DNAH1: variants seen among roughly 807,000 people sequenced by gnomAD.
The protein encoded by DNAH1 is axonemal beta dynein heavy chain 1.
DNAH1 carries 327 observed loss-of-function variants against 484.3 expected under a neutral mutation model. The observed-to-expected ratio is 0.68, with a 90% CI of 0.62 to 0.74. DNAH1 has a LOEUF of 0.74. DNAH1 is among the 30% of genes least tolerant of loss of function. The pLI, the probability that DNAH1 is intolerant of heterozygous loss-of-function variation, is 0.00. For synonymous variants in DNAH1, 2,192 were observed against 2,191.9 expected, an observed-to-expected ratio of 1.00 and a Z score of 0.00; for missense variants, 5,052 against 5,546.8, an observed-to-expected ratio of 0.91 and a Z score of 2.83.
chr3:52,381,512 G>C lies in DNAH1; in HGVS notation c.7609-128G>C, dbSNP rs762696369. ...TGCAGGGGAAACATGCAGCTGGCCG[G>C]GTCACAGGTGGTCAAGGCACCTGTG... On this transcript the variant is annotated intron_variant, in intron 48 of 77. Transcript: ENST00000420323. The surrounding 1 kb of genome is among the most constrained non-coding windows in gnomAD (Gnocchi z 4.1). 20 of 770,592 alleles carry C rather than the reference G, an allele frequency of 2.6e-5. No homozygotes were observed. Among genetic ancestry groups the C allele is most frequent in the Non-Finnish European group, 4.2e-5 (20 of 481,350 alleles). The allele number at this position is 770,592 out of a possible 1,614,324, so 47.7% of individuals were successfully genotyped here.
Position 52,362,584 on chromosome 3 carries a change from C to T in DNAH1, c.5094+83C>T, listed in dbSNP as rs1702909755. The T allele has an allele frequency of 8.0e-7, 1 of 1,253,712 alleles. No homozygotes were observed. Among genetic ancestry groups the T allele is most frequent in the Non-Finnish European group, 1.1e-6 (1 of 885,172 alleles). 77.7% of individuals were successfully genotyped at this position (1,253,712 alleles called of 1,614,324 possible). A position where few individuals can be genotyped will look rare whatever the true frequency, so the allele number is the denominator to read the frequency against. ...ATGCTAAGCCACTTATGCAAGGACA[C>T]AGTTGCTTGGACTCCAGGGACTGTG... On this transcript the variant is annotated intron_variant, in intron 31 of 77. Coordinates refer to ENST00000420323, the MANE Select transcript of DNAH1 (RefSeq NM_015512.5). The surrounding 1 kb of genome is among the most constrained non-coding windows in gnomAD (Gnocchi z 5.1).
At chr3:52,399,329 G>C in intron 76 of DNAH1, 128 bp downstream of exon 76, 2 of 1,099,886 alleles carry the variant, frequency 1.8e-6, no homozygotes, top group Non-Finnish European at 2.6e-6. Context: ...ACCCAAGCCA[G>C]AAGAGGCCAT....
chr3:52,398,500 G>C (rs1245943399), intron 75 of DNAH1, among the ~76,000 whole-genome samples: 1 of 152,204 alleles, frequency 6.6e-6, no homozygotes, highest in Non-Finnish European at 1.5e-5. Context: ...ATGTTGGCCA[G>C]GATGGTCTCG....
In DNAH1 at chr3:52,366,494, G is replaced by A. The variant is rs769074017; in HGVS notation, c.5556G>A (p.Thr1852=). 3.1e-6 allele frequency: 5 copies of A among 1,603,126 alleles called. No individual in the cohort carries two copies. Among genetic ancestry groups the A allele is most frequent in the African/African-American group, 1.3e-5 (1 of 74,736 alleles). Residue 1852 remains threonine (T), a synonymous_variant, in exon 35 of 78, where the codon ACG becomes ACA. Coordinates refer to ENST00000420323, the MANE Select transcript of DNAH1 (RefSeq NM_015512.5). ...LTKCIQLYET[T]VVRHGLMLVG... ...AGTGCATCCAGCTCTACGAGACCAC[G>A]GTGGTACGACACGGCCTCATGCTCG...
intron 41 of DNAH1, 67 bp downstream of exon 41, chr3:52,370,892 G>T (rs1247822770): frequency 2.0e-6 from 3 of 1,479,576 alleles, no homozygotes; most frequent in African/African-American, 1.4e-5. Context: ...TTCCCGCAAT[G>T]AATTATGGCC....
chr3:52,382,340 A>T lies in DNAH1; in HGVS notation c.7826A>T (p.Gln2609Leu). 1 of 1,614,028 alleles carries T rather than the reference A, an allele frequency of 6.2e-7. No homozygotes were observed. The change falls in exon 50 of 78, where the codon CAG (glutamine) becomes CTG (leucine). Residue 2609 changes from glutamine to leucine, a missense_variant. Around this residue, in one of 4 missense-constraint regions of DNAH1, gnomAD observed 2,929 missense variants for 3,409.4 expected, o/e 0.86. Transcript: ENST00000420323. ...TCCAGGGCCGAGTACGAGTGCTTCC[A>T]GATTGAACTATCCAAGAACTACGGC... ...ASHMAEYECF[Q>L]IELSKNYGMS...
chr3:52,399,251 AG>A, intron 76 of DNAH1, 50 bp downstream of exon 76: 1 of 1,524,384 alleles, frequency 6.6e-7, no homozygotes. Flanking sequence ...GGTACAGCCC[AG>A]GGAGGAGAGG....
rs1374522169 is a variant in DNAH1 at position 52,400,425 on chromosome 3, C to T, written c.12777C>T (p.Leu4259=). 2 of 1,613,944 alleles carry T rather than the reference C, an allele frequency of 1.2e-6. No individual in the cohort carries two copies. The highest frequency in any genetic ancestry group is 1.7e-6 in the Non-Finnish European group (2 of 1,179,890). ...QRHWIKRGVA[L]ICALDY ...ACTGGATAAAGCGTGGTGTGGCCCT[C>T]ATCTGTGCCCTGGACTACTAGACTC... Residue 4259 remains leucine, a synonymous_variant, in exon 78 of 78, where the codon CTC becomes CTT. Transcript: ENST00000420323.
intron 2 of DNAH1, among the ~76,000 whole-genome samples, chr3:52,323,343 G>T (rs556142660): frequency 2.6e-5 from 4 of 151,676 alleles, no homozygotes; most frequent in African/African-American, 9.7e-5. Context: ...AGAGAGGGGG[G>T]AATGACGAGG....
Position 52,376,536 on chromosome 3 carries a change from C to T in DNAH1, c.7198+543C>T, listed in dbSNP as rs540542397. The stretch of plus-strand genomic sequence containing the variant: ...CTGCCTTCCCTCCTGTGGCTGGGAA[C>T]GGACTGCTGCTCCACAGCAAAGCCC... On this transcript the variant is annotated intron_variant, in intron 46 of 77. Transcript: ENST00000420323. 1.1e-3 allele frequency among the ~76,000 whole-genome samples: 166 copies of T among 152,304 alleles called. 1 individual carries two copies. The highest frequency in any genetic ancestry group is 3.8e-3 in the African/African-American group (156 of 41,550).
In DNAH1 at chr3:52,362,269, G is replaced by A; in HGVS notation, c.4981-119G>A. Reference sequence around the variant, plus strand: ...ATACAACCCATGATCAGGGGTCCAGGCCTGGCCTACCAGCTACAGCCAGGA... The same window carrying A: ...ATACAACCCATGATCAGGGGTCCAGACCTGGCCTACCAGCTACAGCCAGGA... On this transcript the variant is annotated intron_variant, in intron 30 of 77. Transcript: ENST00000420323. The surrounding 1 kb of genome is among the most constrained non-coding windows in gnomAD (Gnocchi z 5.1). 1.2e-6 allele frequency: 1 copy of A among 808,816 alleles called. No homozygotes were observed. The highest frequency in any genetic ancestry group is 2.0e-6 in the Non-Finnish European group (1 of 492,598). 50.1% of individuals were successfully genotyped at this position (808,816 alleles called of 1,614,324 possible).
At chr3:52,311,047 T>C in the DNAH1 span, among the ~76,000 whole-genome samples, 1 of 152,166 alleles carries the variant, frequency 6.6e-6, no homozygotes, top group African/African-American at 2.4e-5. Context: ...CCCCTTGTTT[T>C]TCACACCCGG....
intron 46 of DNAH1, 149 bp from the exon 47 acceptor site, chr3:52,378,453 G>T (rs1296791584): frequency 1.2e-6 from 1 of 811,144 alleles, no homozygotes; most frequent in Non-Finnish European, 2.0e-6. Context: ...TCCGAGATGG[G>T]GCCAAAGGGT....
chr3:52,344,534 A>T lies in DNAH1; in HGVS notation c.1331A>T (p.Asp444Val). ...LSSLAREVSL[D>V]YERSMNKINF... is the part of the protein sequence containing the mutation. Reference sequence around the variant, plus strand: ...AGTCTTGCCAGAGAAGTGAGCCTGGACTATGAGCGCAGCATGAACAAGATC... The same window carrying T: ...AGTCTTGCCAGAGAAGTGAGCCTGGTCTATGAGCGCAGCATGAACAAGATC... Residue 444 changes from aspartate to valine, a missense_variant, in exon 9 of 78, where the codon GAC (aspartate) becomes GTC (valine). Physicochemically the swap from Asp to Val is radical, Grantham distance 152 (BLOSUM62 -3). Around this residue, in one of 4 missense-constraint regions of DNAH1, gnomAD observed 1,263 missense variants for 1,218.8 expected, o/e 1.04. Coordinates refer to ENST00000420323, the MANE Select transcript of DNAH1 (RefSeq NM_015512.5). 1.2e-6 allele frequency: 2 copies of T among 1,614,018 alleles called. No individual in the cohort carries two copies. Among genetic ancestry groups the T allele is most frequent in the Non-Finnish European group, 8.5e-7 (1 of 1,179,858 alleles).
At chr3:52,331,112 C>T (rs201423629) in intron 6 of DNAH1, 36 bp from the exon 7 acceptor site, 152 of 1,555,860 alleles carry the variant, frequency 9.8e-5, no homozygotes, top group East Asian at 1.4e-4. Context: ...GCCCCCATGG[C>T]GGGGGGCACT....
At chr3:52,400,105 A>G (rs558663404) in intron 77 of DNAH1, among the ~76,000 whole-genome samples, 1 of 152,276 alleles carries the variant, frequency 6.6e-6, no homozygotes, top group South Asian at 2.1e-4. Context: ...TCAGAGAATG[A>G]AAAGTGGCAT....
chr3:52,395,395 G>T lies in DNAH1; in HGVS notation c.11056G>T (p.Asp3686Tyr). 1 of 1,613,848 alleles carries T rather than the reference G, an allele frequency of 6.2e-7. No homozygotes were observed. ...VLSPGTDPAA[D>Y]LYKFAEEMKF... ...GTCACCCGGCACAGACCCTGCTGCC[G>T]ACCTCTACAAGTTTGCCGAAGAAAT... is the stretch of plus-strand genomic sequence containing the variant. Residue 3686 changes from aspartate to tyrosine, a missense_variant, in exon 69 of 78, where the codon GAC (aspartate) becomes TAC (tyrosine). Transcript: ENST00000420323. The surrounding 1 kb of genome is among the most constrained non-coding windows in gnomAD (Gnocchi z 4.4).
At chr3:52,356,002 G>A (rs1251038326) in intron 21 of DNAH1, among the ~76,000 whole-genome samples, 3 of 152,218 alleles carry the variant, frequency 2.0e-5, no homozygotes, top group African/African-American at 7.2e-5. Context: ...TGCCTCCCAG[G>A]GCCTGGCACA....
chr3:52,359,470 T>C lies in DNAH1; in HGVS notation c.4407+84T>C, dbSNP rs1702765053. The C allele has an allele frequency of 6.0e-6, 9 of 1,509,972 alleles. No homozygotes were observed. The South Asian group carries it at 7.5e-5, about 13-fold the overall frequency. 93.5% of individuals were successfully genotyped at this position (1,509,972 alleles called of 1,614,324 possible). A position where few individuals can be genotyped will look rare whatever the true frequency, so the allele number is the denominator to read the frequency against. ...CCCAGTCCCTCCGGAAGCTTTCTCC[T>C]ATAGTGAGCCTGGAAGAGGCCTGGG... On this transcript the variant is annotated intron_variant, in intron 26 of 77. Transcript: ENST00000420323.
Sources: allele counts gnomAD v4.1 joint callset (sites outside exome capture counted in the v4.1 genomes callset), GRCh38; gene constraint gnomAD v4.1.1; regional missense constraint gnomAD v4.1.1; non-coding constraint Gnocchi (gnomAD v3.1); transcripts MANE v1.5; gene names NCBI Gene and HGNC (gene_info 2026-07-23, HGNC 2026-07-21).